ZNF226: variants seen among roughly 807,000 people sequenced by gnomAD.
ZNF226 encodes zinc finger protein 226.
Under a neutral mutation model 11.4 loss-of-function variants are expected in ZNF226, and 6 were observed. The ratio of observed to expected loss-of-function variants is 0.53; its 90% confidence interval spans 0.29 to 1.04. ZNF226 has a LOEUF of 1.04. ZNF226 is among the 50% of genes least tolerant of loss of function. The pLI, the probability that ZNF226 is intolerant of heterozygous loss-of-function variation, is 0.08. For missense variants in ZNF226, 1,058 were observed against 956.5 expected (o/e 1.11, Z -1.40); for synonymous variants, 350 against 322.8 (o/e 1.08, Z -0.90).
intron 5 of ZNF226, chr19:44,174,909 G>T: frequency 7.2e-7 from 1 of 1,388,490 alleles, no homozygotes; most frequent in Non-Finnish European, 1.0e-6. Flanking sequence ...TAACTCACTT[G>T]GTGTACCCCT....
In ZNF226 at chr19:44,176,951, G is replaced by C. The variant is rs1193976353; in HGVS notation, c.1689G>C (p.Glu563Asp). The C allele has an allele frequency of 3.7e-6, 6 of 1,613,984 alleles. No individual in the cohort carries two copies. The highest frequency in any genetic ancestry group is 5.1e-6 in the Non-Finnish European group (6 of 1,179,884). ...TAGAGAAACCTTTTAAGTGTGAGGA[G>C]TGTGGGCAGGGTTTCAATCAGAGCT... ...HSIEKPFKCE[E>D]CGQGFNQSSR... Residue 563 changes from glutamate (E) to aspartate (D), a missense_variant, in exon 6 of 6, where the codon GAG (glutamate) becomes GAC (aspartate). By Grantham distance (45) the Glu-to-Asp change is conservative. Transcript: ENST00000337433.
chr19:44,175,697 T>G lies in ZNF226; in HGVS notation c.435T>G (p.Asp145Glu). The change falls in exon 6 of 6, where the codon GAT becomes GAG. Residue 145 changes from aspartate to glutamate, a missense_variant. Transcript: ENST00000337433. ...GTELSIQISE[D>E]ENYIVNKADG... ...AACTGTCTATTCAAATTTCTGAAGA[T>G]GAGAACTATATAGTAAATAAAGCAG... The G allele has an allele frequency of 6.2e-7, 1 of 1,612,814 alleles. No individual in the cohort carries two copies. Among genetic ancestry groups the G allele is most frequent in the Non-Finnish European group, 8.5e-7 (1 of 1,179,512 alleles).
intron 2 of ZNF226, 69 bp from the exon 3 acceptor site, chr19:44,169,966 C>A: frequency 9.1e-7 from 1 of 1,101,516 alleles, no homozygotes; most frequent in Non-Finnish European, 1.3e-6. Flanking sequence ...TTGCTAATTC[C>A]TAAAGAGCAG....
chr19:44,177,184 A>C lies in ZNF226; in HGVS notation c.1922A>C (p.Lys641Thr). 6.2e-7 allele frequency: 1 copy of C among 1,613,926 alleles called. No individual in the cohort carries two copies. Among genetic ancestry groups the C allele is most frequent in the Non-Finnish European group, 8.5e-7 (1 of 1,179,998 alleles). Residue 641 changes from lysine (K) to threonine (T), a missense_variant, in exon 6 of 6, where the codon AAA becomes ACA. By Grantham distance (78) the Lys-to-Thr change is moderately conservative (BLOSUM62 -1). Coordinates refer to ENST00000337433, the MANE Select transcript of ZNF226 (RefSeq NM_001032373.2). ...LAHQRVHSGE[K>T]PFKCEECGKS... is the part of the protein sequence containing the mutation. ...CATCAGAGAGTCCACAGTGGAGAAA[A>C]ACCATTCAAATGTGAAGAATGTGGG...
the ZNF226 span, among the ~76,000 whole-genome samples, chr19:44,189,096 G>A: frequency 2.0e-5 from 3 of 152,158 alleles, no homozygotes; most frequent in Non-Finnish European, 2.9e-5. Flanking sequence ...AGGTCTACCT[G>A]GAGTCCGTTG....
the ZNF226 span, among the ~76,000 whole-genome samples, chr19:44,195,081 C>T: frequency 5.9e-5 from 9 of 152,204 alleles, 1 homozygote; most frequent in South Asian, 4.1e-4. Flanking sequence ...CCTCACAGAA[C>T]GTAAGTTCTG....
chr19:44,176,269 A>G lies in ZNF226; in HGVS notation c.1007A>G (p.Lys336Arg), dbSNP rs186801686. ...GTCCACGTGATAGAGAAACCATACA[A>G]ATGTAAGCAATGTGGGAAAGGTTTC... ...QKVHVIEKPY[K>R]CKQCGKGFSR... The change falls in exon 6 of 6, where the codon AAA becomes AGA. Residue 336 changes from lysine to arginine, a missense_variant. Physicochemically the swap from Lys to Arg is conservative, Grantham distance 26 (BLOSUM62 2). Transcript: ENST00000337433. The G allele has an allele frequency of 1.5e-4, 235 of 1,614,158 alleles. No individual in the cohort carries two copies. In the African/African-American group the frequency reaches 2.9e-3, roughly 20 times the overall value.
the ZNF226 span, among the ~76,000 whole-genome samples, chr19:44,193,910 C>T: frequency 6.6e-6 from 1 of 152,164 alleles, no homozygotes; most frequent in South Asian, 2.1e-4. Flanking sequence ...CCTCAAGTGC[C>T]AGAGGGCTTG....
the ZNF226 span, among the ~76,000 whole-genome samples, chr19:44,195,799 C>G: frequency 6.6e-6 from 1 of 152,200 alleles, no homozygotes; most frequent in Non-Finnish European, 1.5e-5. Context: ...TCCATTTGTC[C>G]TGCTACGGTG....
chr19:44,180,748 C>CT (rs1970895074), downstream of ZNF226, among the ~76,000 whole-genome samples: 2 of 152,238 alleles, frequency 1.3e-5, no homozygotes, highest in South Asian at 4.1e-4. Context: ...TGTACTAAGC[C>CT]TTATGTTAAA....
rs759240596 is a variant in ZNF226 at position 44,176,958 on chromosome 19, C to T, written c.1696C>T (p.Gln566Ter). 3 of 1,613,228 alleles carry T rather than the reference C, an allele frequency of 1.9e-6. No individual in the cohort carries two copies. The highest frequency in any genetic ancestry group is 1.1e-5 in the South Asian group (1 of 91,046). Residue 566 changes from glutamine to a stop codon, truncating the protein, a stop_gained, in exon 6 of 6, where the codon CAG (glutamine) becomes TAG (stop). Coordinates refer to ENST00000337433, the MANE Select transcript of ZNF226 (RefSeq NM_001032373.2). LOFTEE classifies it low-confidence loss of function (END_TRUNC). ...EKPFKCEECG[Q>*]GFNQSSRLQI... The stretch of plus-strand genomic sequence containing the variant: ...ACCTTTTAAGTGTGAGGAGTGTGGG[C>T]AGGGTTTCAATCAGAGCTCACGACT...
At chr19:44,195,777 A>C in the ZNF226 span, among the ~76,000 whole-genome samples, 1 of 152,072 alleles carries the variant, frequency 6.6e-6, no homozygotes, top group African/African-American at 2.4e-5. Flanking sequence ...TCTTTTCATC[A>C]CCTTCCCTGG....
chr19:44,166,815 C>T (rs547506510), intron 2 of ZNF226: 30 of 152,182 alleles, frequency 2.0e-4, no homozygotes, highest in African/African-American at 4.6e-4. Flanking sequence ...TGAGCCCTAC[C>T]GAAGGCCTTC....
chr19:44,181,163 G>A (rs1028437318), downstream of ZNF226, among the ~76,000 whole-genome samples: 2 of 152,142 alleles, frequency 1.3e-5, no homozygotes, highest in Non-Finnish European at 2.9e-5. Flanking sequence ...AGGATCTCTT[G>A]AGCTCAGGGG....
At position 44,177,309 on chromosome 19, in the gene ZNF226, A is replaced by G. The variant is rs1373272924; in HGVS notation, c.2047A>G (p.Ser683Gly). 1 of 1,614,088 alleles carries G rather than the reference A, an allele frequency of 6.2e-7. No homozygotes were observed. Among genetic ancestry groups the G allele is most frequent in the South Asian group, 1.1e-5 (1 of 91,076 alleles). Residue 683 changes from serine (S) to glycine (G), a missense_variant, in exon 6 of 6, where the codon AGC becomes GGC. Coordinates refer to ENST00000337433, the MANE Select transcript of ZNF226 (RefSeq NM_001032373.2). ...TGAGTGTGGGAAGGGCTTCAAGTGG[A>G]GCTTGAACCTTGACATGCATCAGAG... is the stretch of plus-strand genomic sequence containing the variant. ...CDECGKGFKW[S>G]LNLDMHQRVH... is the part of the protein sequence containing the mutation.
At chr19:44,174,291 TA>T (rs1361935669) in intron 5 of ZNF226, 7 of 152,226 alleles carry the variant, frequency 4.6e-5, no homozygotes, top group Admixed American at 4.6e-4. Context: ...TAGCAGAGCA[TA>T]TTCATTCGGG....
chr19:44,182,018 G>A (rs1011595002), downstream of ZNF226, among the ~76,000 whole-genome samples: 12 of 151,954 alleles, frequency 7.9e-5, no homozygotes, highest in African/African-American at 2.4e-4. Flanking sequence ...TGTTGAATCA[G>A]GTGGAAATAA....
chr19:44,171,144 G>A (rs1260091678), intron 3 of ZNF226, among the ~76,000 whole-genome samples: 1 of 152,044 alleles, frequency 6.6e-6, no homozygotes, highest in East Asian at 1.9e-4. Flanking sequence ...TACAGTGTTA[G>A]TTTTCTTGCA....
intron 2 of ZNF226, chr19:44,167,019 A>G (rs558706720): frequency 5.9e-5 from 9 of 152,144 alleles, no homozygotes; most frequent in Non-Finnish European, 1.3e-4. Context: ...CAGTCCAGTG[A>G]TTTTTCTTTC....
Sources: allele counts gnomAD v4.1 joint callset (sites outside exome capture counted in the v4.1 genomes callset), GRCh38; gene constraint gnomAD v4.1.1; transcripts MANE v1.5; gene names NCBI Gene and HGNC (gene_info 2026-07-23, HGNC 2026-07-21).